IQGAP2: variants seen among roughly 807,000 people sequenced by gnomAD.
The protein encoded by IQGAP2 is IQ motif containing GTPase activating protein 2.
A neutral mutation model predicts 201.3 loss-of-function variants in IQGAP2; 173 were observed. The observed-to-expected ratio is 0.86, with a 90% CI of 0.76 to 0.98. The LOEUF (loss-of-function observed/expected upper bound fraction) is 0.98. Among genes scored for constraint, IQGAP2 ranks in the 50% least tolerant of loss-of-function variants. The pLI, the probability that IQGAP2 is intolerant of heterozygous loss-of-function variation, is 0.00. For synonymous variants in IQGAP2, 675 were observed against 673.9 expected, an observed-to-expected ratio of 1.00 and a Z score of -0.03; for missense variants, 1,687 against 1,864.8, an observed-to-expected ratio of 0.90 and a Z score of 1.76.
chr5:76,623,520 T>G lies in IQGAP2; in HGVS notation c.1522-3890T>G, dbSNP rs1749927259. 8.3e-6 allele frequency: 3 copies of G among 363,276 alleles called. No homozygotes were observed. The East Asian group carries it at 1.4e-4, about 17-fold the overall frequency. The allele number at this position is 363,276 out of a possible 1,614,324, so 22.5% of individuals were successfully genotyped here. ...CCCACCCCCAACAATCTATTCTGAA[T>G]AGGTGCTGTAATTCTCCCCTAGTAG... is the stretch of plus-strand genomic sequence containing the variant. On this transcript the variant is annotated intron_variant, in intron 13 of 35. Coordinates refer to ENST00000274364, the MANE Select transcript of IQGAP2 (RefSeq NM_006633.5).
At chr5:76,622,026 G>A (rs528853631) in intron 13 of IQGAP2, among the ~76,000 whole-genome samples, 28 of 152,152 alleles carry the variant, frequency 1.8e-4, no homozygotes, top group Middle Eastern at 3.4e-3. Context: ...AAAAACCATG[G>A]CTTCAGGCTG....
chr5:76,550,833 C>T (rs1034566410), intron 2 of IQGAP2, among the ~76,000 whole-genome samples: 9 of 152,272 alleles, frequency 5.9e-5, no homozygotes, highest in South Asian at 2.1e-4. Flanking sequence ...AAACCGCCAT[C>T]GTCATCATGG....
intron 31 of IQGAP2, among the ~76,000 whole-genome samples, 170 bp from the exon 32 acceptor site, chr5:76,695,284 T>A (rs899230268): frequency 1.3e-5 from 2 of 152,226 alleles, no homozygotes; most frequent in African/African-American, 4.8e-5. Context: ...GATGAAGTAA[T>A]TCCTTTCAAA....
chr5:76,502,930 G>C lies in IQGAP2; in HGVS notation c.146+41261G>C, dbSNP rs1451852054. 2.0e-5 allele frequency among the ~76,000 whole-genome samples: 3 copies of C among 150,840 alleles called. No homozygotes were observed. The South Asian group carries it at 6.3e-4, about 32-fold the overall frequency. ...TTTTTTTTTTAATTCTTGGTAGAGA[G>C]AGAGGGTTCTCTTTATGTTGCCCAG... On this transcript the variant is annotated intron_variant, in intron 2 of 35. Transcript: ENST00000274364.
intron 20 of IQGAP2, among the ~76,000 whole-genome samples, chr5:76,657,001 G>A (rs912210556): frequency 6.6e-6 from 1 of 152,166 alleles, no homozygotes; most frequent in Non-Finnish European, 1.5e-5. Context: ...AAACTAAGAT[G>A]TGGTCAGTTG....
chr5:76,627,362 C>T lies in IQGAP2; in HGVS notation c.1522-48C>T, dbSNP rs1385522318. On this transcript the variant is annotated intron_variant, in intron 13 of 35. Transcript: ENST00000274364. ...TCAAAAGCAGTTATTAATTCTGTTT[C>T]CTCATCATTCACTCTTCTTTCTTTT... 3.4e-6 allele frequency: 4 copies of T among 1,187,930 alleles called. No homozygotes were observed. The East Asian group carries it at 7.0e-5, about 21-fold the overall frequency. 73.6% of individuals were successfully genotyped at this position (1,187,930 alleles called of 1,614,324 possible).
chr5:76,456,493 G>A (rs1754091077), intron 1 of IQGAP2, among the ~76,000 whole-genome samples: 2 of 152,140 alleles, frequency 1.3e-5, no homozygotes, highest in African/African-American at 4.8e-5. Context: ...TGAAATCTTG[G>A]ACTTTAGGTT....
rs16873606 is a variant in IQGAP2 at position 76,656,800 on chromosome 5, G to A, written c.2321-1659G>A. Among the ~76,000 whole-genome samples the A allele has an allele frequency of 8.0e-3, 1,209 of 151,706 alleles. 15 individuals carry two copies. Among genetic ancestry groups the A allele is most frequent in the African/African-American group, 0.027 (1,131 of 41,354 alleles). On this transcript the variant is annotated intron_variant, in intron 20 of 35. Transcript: ENST00000274364. ...TAGATCTAAGCTTCTCTGGGCTTCA[G>A]CAAATTGGGTGCTTTTATGGTAACC...
intron 2 of IQGAP2, among the ~76,000 whole-genome samples, chr5:76,503,174 C>CTTTTTTTTTTTTTTTTTTTGAGAT (rs11297908): frequency 9.1e-6 from 1 of 109,356 alleles, no homozygotes; most frequent in Non-Finnish European, 1.8e-5. Context: ...CTTTTCTTTT[C>CTTTTTTTTTTTTTTTTTTTGAGAT]TTTTTTTTTT....
intron 11 of IQGAP2, among the ~76,000 whole-genome samples, chr5:76,604,176 C>A (rs1039928434): frequency 6.6e-6 from 1 of 152,024 alleles, no homozygotes; most frequent in Non-Finnish European, 1.5e-5. Context: ...GTTCCCCTCC[C>A]TGTGACCACA....
chr5:76,544,014 T>A (rs1345972942), intron 2 of IQGAP2, among the ~76,000 whole-genome samples: 2 of 152,126 alleles, frequency 1.3e-5, no homozygotes, highest in African/African-American at 2.4e-5. Context: ...GAGTGAGAAT[T>A]TACTGTGGAT....
At chr5:76,651,754 T>G (rs929917985) in intron 17 of IQGAP2, among the ~76,000 whole-genome samples, 14 of 152,188 alleles carry the variant, frequency 9.2e-5, no homozygotes, top group African/African-American at 3.4e-4. Flanking sequence ...TTAAACATAT[T>G]TATGCCTTCT....
At chr5:76,655,086 G>A (rs1252523064) in intron 20 of IQGAP2, 83 bp downstream of exon 20, 7 of 959,980 alleles carry the variant, frequency 7.3e-6, no homozygotes, top group Non-Finnish European at 1.2e-5. Flanking sequence ...TCACTTCAGA[G>A]GCTGCTCTAA....
At chr5:76,597,305 C>G in intron 9 of IQGAP2, 134 bp from the exon 10 acceptor site, 1 of 792,080 alleles carries the variant, frequency 1.3e-6, no homozygotes, top group Non-Finnish European at 2.0e-6. Context: ...GCCTTACCTA[C>G]CCTCTGCCTG....
At chr5:76,502,646 G>C (rs1021017433) in intron 2 of IQGAP2, among the ~76,000 whole-genome samples, 2 of 152,198 alleles carry the variant, frequency 1.3e-5, no homozygotes, top group African/African-American at 4.8e-5. Flanking sequence ...AACTGTGATT[G>C]TGGGAATAGT....
chr5:76,592,059 G>A (rs1746699121), intron 8 of IQGAP2, among the ~76,000 whole-genome samples: 1 of 152,114 alleles, frequency 6.6e-6, no homozygotes, highest in Admixed American at 6.6e-5. Context: ...CTCATTGCAT[G>A]ACTCTTCTAT....
At chr5:76,593,159 C>T (rs1746776789) in intron 9 of IQGAP2, among the ~76,000 whole-genome samples, 2 of 152,160 alleles carry the variant, frequency 1.3e-5, no homozygotes, top group African/African-American at 4.8e-5. Flanking sequence ...TTTGATTCTA[C>T]CTTCCTGTTT....
intron 2 of IQGAP2, among the ~76,000 whole-genome samples, chr5:76,474,875 G>A (rs1399721240): frequency 6.6e-6 from 1 of 152,096 alleles, no homozygotes; most frequent in Non-Finnish European, 1.5e-5. Flanking sequence ...ACCACACCTG[G>A]CTGATTTTGT....
At position 76,429,449 on chromosome 5, in the gene IQGAP2, G is replaced by A. The variant is rs545630085; in HGVS notation, c.46+25858G>A. 1.5e-3 allele frequency among the ~76,000 whole-genome samples: 234 copies of A among 151,234 alleles called. 1 individual carries two copies. The highest frequency in any genetic ancestry group is 5.3e-3 in the African/African-American group (218 of 41,244). On this transcript the variant is annotated intron_variant, in intron 1 of 35. Transcript: ENST00000274364. ...TAGCCAGGCGTGGTGGTGGGTGCCT[G>A]TAGTCCCAGCTACTTGGGGGGCTGA... is the stretch of plus-strand genomic sequence containing the variant.
Sources: gnomAD v4.1 joint callset for allele counts (sites outside exome capture counted in the v4.1 genomes callset) on GRCh38, gnomAD v4.1.1 for gene constraint, MANE v1.5 for transcripts, NCBI Gene and HGNC (gene_info 2026-07-23, HGNC 2026-07-21) for gene names.